Variants in ARHGEF37 observed in about 807,000 individuals in gnomAD.
The protein encoded by ARHGEF37 is Rho guanine nucleotide exchange factor (GEF) 37.
In ARHGEF37, 55 loss-of-function variants were observed where a neutral mutation model predicts 71.1. That is an observed-to-expected ratio of 0.77 (90% CI 0.62 to 0.97). ARHGEF37 has a LOEUF of 0.97. Among genes scored for constraint, ARHGEF37 ranks in the 50% least tolerant of loss-of-function variants. The pLI is 0.00. For missense variants in ARHGEF37, 765 were observed against 836.8 expected (o/e 0.91, Z 1.06); for synonymous variants, 327 against 350.6 (o/e 0.93, Z 0.75).
At chr5:149,561,010 C>T (rs1437289489) in intron 1 of ARHGEF37, among the ~76,000 whole-genome samples, 1 of 152,166 alleles carries the variant, frequency 6.6e-6, no homozygotes, top group Non-Finnish European at 1.5e-5. Context: ...TGCAGTGGCT[C>T]ACGCCTGTAA....
At chr5:149,593,347 T>C (rs1368567524) in intron 1 of ARHGEF37, among the ~76,000 whole-genome samples, 1 of 152,258 alleles carries the variant, frequency 6.6e-6, no homozygotes, top group Non-Finnish European at 1.5e-5. Context: ...CTTAGGCAAT[T>C]GCCAATCTTT....
chr5:149,622,195 GA>G (rs1752568058), intron 9 of ARHGEF37, 133 bp downstream of exon 9: 3 of 852,890 alleles, frequency 3.5e-6, no homozygotes, highest in East Asian at 5.4e-5. Context: ...CCCTTAGGAA[GA>G]GGCAGTGGGA....
intron 1 of ARHGEF37, among the ~76,000 whole-genome samples, chr5:149,570,721 C>T (rs1337474622): frequency 6.8e-6 from 1 of 146,178 alleles, no homozygotes; most frequent in East Asian, 2.2e-4. Flanking sequence ...ACTAAAATTA[C>T]AAAAATTAGC....
intron 8 of ARHGEF37, among the ~76,000 whole-genome samples, chr5:149,621,379 G>A (rs12518478): frequency 0.28 from 42,227 of 151,926 alleles, 6,243 homozygotes; most frequent in East Asian, 0.44. Context: ...GGTAGGCTGC[G>A]GTGAGCTGTG....
At chr5:149,596,146 G>A (rs894315719) in intron 1 of ARHGEF37, among the ~76,000 whole-genome samples, 14 of 152,158 alleles carry the variant, frequency 9.2e-5, no homozygotes, top group East Asian at 7.7e-4. Context: ...GCTCCCCACC[G>A]TAGTTTTCAA....
intron 1 of ARHGEF37, among the ~76,000 whole-genome samples, chr5:149,591,021 A>G (rs1261951004): frequency 1.3e-5 from 2 of 152,130 alleles, no homozygotes; most frequent in Non-Finnish European, 2.9e-5. Context: ...AGATGTAACC[A>G]CTGGGGAAAC....
At chr5:149,554,589 C>T (rs1480116101) in intron 1 of ARHGEF37, among the ~76,000 whole-genome samples, 1 of 150,622 alleles carries the variant, frequency 6.6e-6, no homozygotes, top group Non-Finnish European at 1.5e-5. Context: ...CTAGCCTTTT[C>T]AAATGTGATT....
intron 1 of ARHGEF37, among the ~76,000 whole-genome samples, chr5:149,570,025 G>A (rs954283615): frequency 2.0e-5 from 3 of 152,098 alleles, no homozygotes; most frequent in Non-Finnish European, 2.9e-5. Context: ...ATTCTAATGT[G>A]TATGCAGTAG....
rs1386719105 is a variant in ARHGEF37, at chr5:149,622,001, T to C, written c.1274T>C (p.Val425Ala). 6.2e-7 allele frequency: 1 copy of C among 1,614,132 alleles called. No individual in the cohort carries two copies. The highest frequency in any genetic ancestry group is 8.5e-7 in the Non-Finnish European group (1 of 1,180,002). Residue 425 changes from valine (V) to alanine (A), a missense_variant, in exon 9 of 13, where the codon GTG becomes GCG. Val to Ala is a moderately conservative substitution (Grantham distance 64, BLOSUM62 0). Coordinates refer to ENST00000333677, the MANE Select transcript of ARHGEF37 (RefSeq NM_001001669.3). ...CTGGGCCAGATCATGTGCACATTCG[T>C]GACCCTCCAGAGGGACCTTGCAAAG... ...QWLGQIMCTFVTLQRDLAKQV... is the reference protein window; with the variant it reads ...QWLGQIMCTFATLQRDLAKQV...
At chr5:149,584,505 C>G (rs1367041481) in intron 1 of ARHGEF37, among the ~76,000 whole-genome samples, 1 of 152,128 alleles carries the variant, frequency 6.6e-6, no homozygotes, top group African/African-American at 2.4e-5. Context: ...AATTCCTTCC[C>G]TTTTTGGCTC....
chr5:149,606,680 A>G (rs540213314), intron 3 of ARHGEF37: 1 of 152,194 alleles, frequency 6.6e-6, no homozygotes, highest in African/African-American at 2.4e-5. Context: ...ATTTTTGCAG[A>G]GGCGCCATGC....
chr5:149,619,859 C>G lies in ARHGEF37; in HGVS notation c.895-495C>G, dbSNP rs571161522. ...CCGAGGCGGGAAGATCACTTGAGGT[C>G]AGGAGTTCAAGACCAGCCTGGTCAA... On this transcript the variant is annotated intron_variant, in intron 7 of 12. Transcript: ENST00000333677. Among the ~76,000 whole-genome samples, 11 of 152,248 alleles carry G rather than the reference C, an allele frequency of 7.2e-5. No individual in the cohort carries two copies. In the South Asian group the frequency reaches 1.7e-3, roughly 23 times the overall value.
intron 1 of ARHGEF37, among the ~76,000 whole-genome samples, chr5:149,583,725 G>A (rs1027081285): frequency 6.6e-6 from 1 of 152,184 alleles, no homozygotes; most frequent in African/African-American, 2.4e-5. Flanking sequence ...ACTGTCCAAA[G>A]CCTATTGCTT....
At position 149,632,705 on chromosome 5, in the gene ARHGEF37, T is replaced by C. The variant is rs1561814665; in HGVS notation, c.*514T>C. On this transcript the variant is annotated 3_prime_UTR_variant, in exon 13 of 13. Transcript: ENST00000333677. ...ATTTCTCTATGCTGGAAGCTGAGTT[T>C]ATCTTGGGCAGTGACCCACTGGGAG... The C allele has an allele frequency of 1.3e-5, 2 of 159,472 alleles. No homozygotes were observed. Among genetic ancestry groups the C allele is most frequent in the African/African-American group, 4.8e-5 (2 of 41,658 alleles). 9.9% of individuals were successfully genotyped at this position (159,472 alleles called of 1,614,324 possible).
intron 1 of ARHGEF37, among the ~76,000 whole-genome samples, chr5:149,556,406 A>G (rs1762757823): frequency 1.2e-5 from 1 of 85,132 alleles, no homozygotes; most frequent in African/African-American, 6.5e-5. Context: ...ATTTATTTTG[A>G]GATGGAGTCT....
chr5:149,580,519 A>T (rs1420202674), upstream of ARHGEF37, among the ~76,000 whole-genome samples: 1 of 152,114 alleles, frequency 6.6e-6, no homozygotes, highest in Non-Finnish European at 1.5e-5. Flanking sequence ...GAATTCGAAT[A>T]CTGGCACTGT....
At chr5:149,581,134 C>T (rs1179506666), upstream of ARHGEF37, among the ~76,000 whole-genome samples, 1 of 152,194 alleles carries the variant, frequency 6.6e-6, no homozygotes, top group Admixed American at 6.5e-5. Flanking sequence ...GAGGCCCAGC[C>T]CTACAGTTTG....
At chr5:149,617,370 A>G (rs1580927100) in intron 5 of ARHGEF37, among the ~76,000 whole-genome samples, 1 of 152,226 alleles carries the variant, frequency 6.6e-6, no homozygotes, top group African/African-American at 2.4e-5. Context: ...AGCTGTGCAT[A>G]TATCTGGGGA....
chr5:149,593,447 T>C lies in ARHGEF37; in HGVS notation c.-11-4312T>C, dbSNP rs538260783. 2.1e-4 allele frequency among the ~76,000 whole-genome samples: 32 copies of C among 152,346 alleles called. No individual in the cohort carries two copies. The South Asian group carries it at 4.6e-3, about 22-fold the overall frequency. ...TATGTGACCCTTTGTGATTGCCTTT[T>C]TTCACTAAGCATAATGTTTTTAAGA... On this transcript the variant is annotated intron_variant, in intron 1 of 12. Transcript: ENST00000333677.
Sources: gnomAD v4.1 joint callset for allele counts (sites outside exome capture counted in the v4.1 genomes callset) on GRCh38, gnomAD v4.1.1 for gene constraint, MANE v1.5 for transcripts, NCBI Gene and HGNC (gene_info 2026-07-23, HGNC 2026-07-21) for gene names.